The following ATP9B variants were observed in gnomAD, a reference collection of about 807,000 sequenced individuals.
ATP9B encodes the protein probable phospholipid-transporting ATPase IIB.
A neutral mutation model predicts 146.1 loss-of-function variants in ATP9B; 110 were observed. That is an observed-to-expected ratio of 0.75 (90% confidence interval 0.65 to 0.88). ATP9B has a LOEUF of 0.88. Among genes scored for constraint, ATP9B ranks in the 40% least tolerant of loss-of-function variants. The pLI is 0.00. For synonymous variants in ATP9B, 604 were observed against 569.7 expected (o/e 1.06, Z -0.86); for missense variants, 1,499 against 1,496.4 (o/e 1.00, Z -0.03).
chr18:79,295,851 C>T (rs563052351), intron 13 of ATP9B, among the ~76,000 whole-genome samples: 29 of 152,350 alleles, frequency 1.9e-4, no homozygotes, highest in Non-Finnish European at 3.4e-4. Context: ...TGCAAGAAGG[C>T]TCCACTATGA....
At position 79,377,355 on chromosome 18, in the gene ATP9B, C is replaced by G. The variant is rs138533776; in HGVS notation, c.3416C>G (p.Pro1139Arg). ...VLKYLRRKLS[P>R]PSYCKLAS ...AAGTACCTGAGGCGCAAGCTCTCTC[C>G]TCCCAGCTACTGCAAGCTGGCCTCC... The change falls in exon 30 of 30, where the codon CCT becomes CGT. Residue 1139 changes from proline (P) to arginine (R), a missense_variant. By Grantham distance (103) the Pro-to-Arg change is moderately radical. Coordinates refer to ENST00000426216, the MANE Select transcript of ATP9B (RefSeq NM_198531.5). 6.2e-7 allele frequency: 1 copy of G among 1,609,998 alleles called. No individual in the cohort carries two copies. The highest frequency in any genetic ancestry group is 8.5e-7 in the Non-Finnish European group (1 of 1,180,032).
intron 12 of ATP9B, among the ~76,000 whole-genome samples, chr18:79,256,621 T>C (rs528643460): frequency 1.3e-5 from 2 of 152,160 alleles, no homozygotes; most frequent in South Asian, 2.1e-4. Context: ...TAATATATAA[T>C]ATTTAGTAAA....
rs1267797394 is a variant in ATP9B, at chr18:79,299,189, T to A, written c.1412-4415T>A. Among the ~76,000 whole-genome samples the A allele has an allele frequency of 2.0e-5, 3 of 151,326 alleles. No homozygotes were observed. In the East Asian group the frequency reaches 5.9e-4, roughly 30 times the overall value. Reference sequence around the variant, plus strand: ...AACTCTGTTACCTGGACAGGGCCCATCCAGAATGAAGCCGGGACTCCTGAG... The same window carrying A: ...AACTCTGTTACCTGGACAGGGCCCAACCAGAATGAAGCCGGGACTCCTGAG... On this transcript the variant is annotated intron_variant, in intron 13 of 29. Coordinates refer to ENST00000426216, the MANE Select transcript of ATP9B (RefSeq NM_198531.5).
intron 1 of ATP9B, among the ~76,000 whole-genome samples, chr18:79,071,189 C>A (rs989953229): frequency 1.3e-5 from 2 of 151,224 alleles, no homozygotes; most frequent in East Asian, 2.0e-4. Context: ...GACTTATCAC[C>A]ATGGTGTATT....
rs1555714771 is a variant in ATP9B at position 79,157,406 on chromosome 18, A to AAAAAAAAAAC, written c.778+2860_778+2861insCAAAAAAAAA. Among the ~76,000 whole-genome samples, 148 of 120,396 alleles carry AAAAAAAAAAC rather than the reference A, an allele frequency of 1.2e-3. 6 individuals carry two copies. Among genetic ancestry groups the AAAAAAAAAAC allele is most frequent in the East Asian group, 0.01 (31 of 3,072 alleles). 79.0% of individuals were successfully genotyped at this position (120,396 alleles called of 152,430 possible). ...AGTGAAACTCCATCTCAAAAAAAAA[A>AAAAAAAAAAC]AAAAAAAAAAAAAAAAAACATGTAT... On this transcript the variant is annotated intron_variant, in intron 7 of 29. Coordinates refer to ENST00000426216, the MANE Select transcript of ATP9B (RefSeq NM_198531.5).
At chr18:79,274,401 GTCTAC>G (rs758048357) in intron 12 of ATP9B, among the ~76,000 whole-genome samples, 9 of 152,102 alleles carry the variant, frequency 5.9e-5, no homozygotes, top group Non-Finnish European at 2.9e-5. Context: ...CATATAAGCT[GTCTAC>G]TCTGTATGTA....
intron 9 of ATP9B, among the ~76,000 whole-genome samples, chr18:79,195,048 A>G (rs2095406027): frequency 6.6e-6 from 1 of 152,176 alleles, no homozygotes; most frequent in Non-Finnish European, 1.5e-5. Flanking sequence ...TTAGGAAGAA[A>G]AAGACAAAGT....
chr18:79,213,356 ATTC>A (rs891982516), intron 10 of ATP9B, among the ~76,000 whole-genome samples: 11 of 151,958 alleles, frequency 7.2e-5, no homozygotes, highest in African/African-American at 2.7e-4. Context: ...ATATTTTATT[ATTC>A]TTTTCTCTTA....
In ATP9B at chr18:79,307,106, G is replaced by C. The variant is rs770142765; in HGVS notation, c.1645G>C (p.Val549Leu). Residue 549 changes from valine (V) to leucine (L), a missense_variant, in exon 15 of 30, where the codon GTG becomes CTG. Transcript: ENST00000426216. Reference protein sequence around the residue: ...SRIHEAVKAIVLCHNVTPVYE... With the variant: ...SRIHEAVKAILLCHNVTPVYE... ...AATCCATGAAGCCGTGAAAGCCATC[G>C]TGCTGTGTCACAACGTGACCCCCGT... The C allele has an allele frequency of 6.2e-7, 1 of 1,614,204 alleles. No individual in the cohort carries two copies. The highest frequency in any genetic ancestry group is 1.1e-5 in the South Asian group (1 of 91,084).
chr18:79,221,081 T>C (rs1276710314), intron 11 of ATP9B, among the ~76,000 whole-genome samples: 1 of 152,256 alleles, frequency 6.6e-6, no homozygotes, highest in Non-Finnish European at 1.5e-5. Flanking sequence ...TTTTCCAATG[T>C]GTTGCTGTTC....
At chr18:79,220,432 C>G (rs750249388) in intron 11 of ATP9B, among the ~76,000 whole-genome samples, 1 of 152,010 alleles carries the variant, frequency 6.6e-6, no homozygotes, top group Admixed American at 6.5e-5. Context: ...AAAACCTGTC[C>G]CTACCAAAAA....
chr18:79,228,362 CT>C (rs890895651), intron 11 of ATP9B, among the ~76,000 whole-genome samples: 1 of 152,196 alleles, frequency 6.6e-6, no homozygotes, highest in African/African-American at 2.4e-5. Context: ...TTTACATGGA[CT>C]TCCATCTCCT....
At chr18:79,291,624 GGT>G (rs1297471372) in intron 13 of ATP9B, among the ~76,000 whole-genome samples, 1 of 152,190 alleles carries the variant, frequency 6.6e-6, no homozygotes, top group Non-Finnish European at 1.5e-5. Context: ...AACCCAACAA[GGT>G]GTGATTGCAT....
intron 2 of ATP9B, among the ~76,000 whole-genome samples, chr18:79,107,670 T>G (rs961299249): frequency 2.6e-5 from 4 of 152,292 alleles, no homozygotes; most frequent in South Asian, 4.1e-4. Flanking sequence ...AAAATCCATG[T>G]TTTTCCATTG....
In ATP9B at chr18:79,337,418, C is replaced by T. The variant is rs778185940; in HGVS notation, c.2252C>T (p.Thr751Met). 1.3e-5 allele frequency: 21 copies of T among 1,612,974 alleles called. No individual in the cohort carries two copies. Among genetic ancestry groups the T allele is most frequent in the African/African-American group, 4.0e-5 (3 of 74,954 alleles). Reference sequence around the variant, plus strand: ...CAGCTGCAGGCAGACGTGCGGCCCACGCTGGAGATGCTGCGCAACGCCGGG... The same window carrying T: ...CAGCTGCAGGCAGACGTGCGGCCCATGCTGGAGATGCTGCGCAACGCCGGG... ...EDQLQADVRPTLEMLRNAGIK... is the reference protein window; with the variant it reads ...EDQLQADVRPMLEMLRNAGIK... The change falls in exon 19 of 30, where the codon ACG (threonine) becomes ATG (methionine). Residue 751 changes from threonine to methionine, a missense_variant. Transcript: ENST00000426216.
chr18:79,080,998 A>G (rs1172184822), intron 1 of ATP9B, among the ~76,000 whole-genome samples: 1 of 152,088 alleles, frequency 6.6e-6, no homozygotes, highest in African/African-American at 2.4e-5. Context: ...AAGCTTTTTG[A>G]TGTGCTGCTG....
intron 5 of ATP9B, among the ~76,000 whole-genome samples, chr18:79,132,456 G>T (rs2094392189): frequency 6.6e-6 from 1 of 152,102 alleles, no homozygotes; most frequent in Non-Finnish European, 1.5e-5. Flanking sequence ...TGAATAGTTT[G>T]CCCTGAGCCA....
intron 8 of ATP9B, among the ~76,000 whole-genome samples, chr18:79,177,937 A>G (rs1362130571): frequency 6.6e-6 from 1 of 152,202 alleles, no homozygotes. Flanking sequence ...TGCATAATTT[A>G]TATGTTTAGA....
At chr18:79,173,692 CCTT>C (rs1175141726) in intron 7 of ATP9B, 1 of 455,786 alleles carries the variant, frequency 2.2e-6, no homozygotes, top group Admixed American at 2.4e-5. Context: ...TGTTTCTGTT[CCTT>C]CTTCAGTATC....
Sources: gnomAD v4.1 joint callset for allele counts (sites outside exome capture counted in the v4.1 genomes callset) on GRCh38, gnomAD v4.1.1 for gene constraint, MANE v1.5 for transcripts, NCBI Gene and HGNC (gene_info 2026-07-23, HGNC 2026-07-21) for gene names.